The following KDM3A variants were observed in gnomAD, a reference collection of about 807,000 sequenced individuals.
KDM3A encodes lysine-specific demethylase 3A.
A neutral mutation model predicts 158.0 loss-of-function variants in KDM3A; 60 were observed. The ratio of observed to expected loss-of-function variants is 0.38; its 90% CI spans 0.31 to 0.47. The LOEUF is 0.47. Ranked by LOEUF, KDM3A falls within the 20% of genes least tolerant of loss-of-function variation. The probability of loss-of-function intolerance (pLI) is 0.99; values close to 1 mark genes in which losing one functional copy is unlikely to be tolerated. For missense variants in KDM3A, 1,319 were observed against 1,574.3 expected, an observed-to-expected ratio of 0.84 and a Z score of 2.74; for synonymous variants, 608 against 549.3, an observed-to-expected ratio of 1.11 and a Z score of -1.49.
At chr2:86,446,761 T>G (rs1170571027) in intron 2 of KDM3A, among the ~76,000 whole-genome samples, 1 of 152,226 alleles carries the variant, frequency 6.6e-6, no homozygotes, top group Admixed American at 6.5e-5. Context: ...AGAAGCTTTT[T>G]TGGGGGATGT....
At chr2:86,471,285 A>G (rs890012741) in intron 11 of KDM3A, among the ~76,000 whole-genome samples, 2 of 133,598 alleles carry the variant, frequency 1.5e-5, no homozygotes, top group Admixed American at 7.1e-5. Flanking sequence ...ATGTGTGTAT[A>G]TATGTATATA....
Position 86,442,035 on chromosome 2 carries a change from A to C in KDM3A, c.-13A>C, listed in dbSNP as rs763422784. Reference sequence around the variant, plus strand: ...TTTTGCAGGGAGGAGCTCTTCCTGCAGGCGTGGAAACCATGGTGCTCACGC... The same window carrying C: ...TTTTGCAGGGAGGAGCTCTTCCTGCCGGCGTGGAAACCATGGTGCTCACGC... On this transcript the variant is annotated 5_prime_UTR_variant, in exon 2 of 26. Coordinates refer to ENST00000312912, the MANE Select transcript of KDM3A (RefSeq NM_018433.6). 1.8e-5 allele frequency: 29 copies of C among 1,609,148 alleles called. No individual in the cohort carries two copies. The highest frequency in any genetic ancestry group is 2.1e-5 in the Non-Finnish European group (25 of 1,177,366).
chr2:86,480,176 G>A lies in KDM3A; in HGVS notation c.2326G>A (p.Ala776Thr). The A allele has an allele frequency of 6.2e-7, 1 of 1,612,422 alleles. No homozygotes were observed. The highest frequency in any genetic ancestry group is 8.5e-7 in the Non-Finnish European group (1 of 1,179,810). Reference sequence around the variant, plus strand: ...TTAATGCTTAACACAGACTTCTTTAGCTGGAGAAAAACCGACTCTTGGTGC... The same window carrying A: ...TTAATGCTTAACACAGACTTCTTTAACTGGAGAAAAACCGACTCTTGGTGC... ...SKEDLKQTSL[A>T]GEKPTLGAVL... Residue 776 changes from alanine to threonine, a missense_variant, in exon 16 of 26, where the codon GCT becomes ACT. Ala to Thr is a moderately conservative substitution (Grantham distance 58). Around this residue, in one of 4 missense-constraint regions of KDM3A, gnomAD observed 368 missense variants for 415.8 expected, o/e 0.89. Coordinates refer to ENST00000312912, the MANE Select transcript of KDM3A (RefSeq NM_018433.6).
At chr2:86,465,053 T>G (rs1673077164) in intron 9 of KDM3A, among the ~76,000 whole-genome samples, 1 of 152,158 alleles carries the variant, frequency 6.6e-6, no homozygotes, top group African/African-American at 2.4e-5. Flanking sequence ...AGGAAAGATT[T>G]TTCATCTGAG....
In KDM3A at chr2:86,489,299, A is replaced by G; in HGVS notation, c.3314-19A>G. ...CCTTTGTTGTCTTTTGTAAAACTTA[A>G]GGCACTTTGTTTTTGCAGGATTAAT... On this transcript the variant is annotated intron_variant, in intron 21 of 25. Transcript: ENST00000312912. 6.2e-7 allele frequency: 1 copy of G among 1,609,692 alleles called. No homozygotes were observed. The highest frequency in any genetic ancestry group is 8.5e-7 in the Non-Finnish European group (1 of 1,177,936).
chr2:86,479,090 T>C (rs2104693762), intron 15 of KDM3A: 1 of 160,606 alleles, frequency 6.2e-6, no homozygotes, highest in Middle Eastern at 3.0e-3. Context: ...AAGATAAGCT[T>C]TAACATTTTT....
rs891896469 is a variant in KDM3A, at chr2:86,455,814, G to A, written c.556+627G>A. On this transcript the variant is annotated intron_variant, in intron 5 of 25. Transcript: ENST00000312912. ...AAAACATTTTTAAAAAAATTAGCCC[G>A]GTGTGGTGGCACATGCCTGTAATCC... 5.3e-5 allele frequency among the ~76,000 whole-genome samples: 8 copies of A among 151,596 alleles called. No individual in the cohort carries two copies. In the South Asian group the frequency reaches 6.2e-4, roughly 12 times the overall value.
chr2:86,453,812 A>G (rs1405256331), intron 4 of KDM3A, among the ~76,000 whole-genome samples: 2 of 152,206 alleles, frequency 1.3e-5, no homozygotes, highest in Admixed American at 6.5e-5. Flanking sequence ...CAGACTAGTT[A>G]TCCTTCCCAG....
chr2:86,439,020 C>T (rs563825797), upstream of KDM3A, among the ~76,000 whole-genome samples: 2 of 151,724 alleles, frequency 1.3e-5, no homozygotes, highest in Admixed American at 6.5e-5. Flanking sequence ...GATGTTTTTT[C>T]GTTCATATGT....
intron 8 of KDM3A, among the ~76,000 whole-genome samples, chr2:86,457,689 A>T (rs1672764433): frequency 1.3e-5 from 2 of 152,192 alleles, no homozygotes; most frequent in South Asian, 4.1e-4. Flanking sequence ...AGAGGGAAGG[A>T]GCCTTAGAAT....
chr2:86,484,201 G>C lies in KDM3A; in HGVS notation c.3094+43G>C, dbSNP rs752682175. On this transcript the variant is annotated intron_variant, in intron 19 of 25. Transcript: ENST00000312912. ...TTTAAGGGGGTTGGGGATGTGAAAG[G>C]AGGGGACACAGGAATGGCAGGAGTC... 2.6e-6 allele frequency: 4 copies of C among 1,554,432 alleles called. No individual in the cohort carries two copies. The Admixed American group carries it at 7.2e-5, about 28-fold the overall frequency.
At chr2:86,476,868 C>T (rs1673678736) in intron 12 of KDM3A, among the ~76,000 whole-genome samples, 1 of 152,130 alleles carries the variant, frequency 6.6e-6, no homozygotes, top group African/African-American at 2.4e-5. Context: ...TGAGTTAACC[C>T]CAAACTGGAT....
intron 4 of KDM3A, among the ~76,000 whole-genome samples, chr2:86,454,602 G>A (rs970118998): frequency 3.9e-5 from 6 of 152,014 alleles, no homozygotes; most frequent in African/African-American, 1.5e-4. Flanking sequence ...TACATGCAGT[G>A]TGTTATATAA....
Position 86,489,542 on chromosome 2 carries a change from T to A in KDM3A, c.3456T>A (p.Asp1152Glu), listed in dbSNP as rs993380640. The stretch of plus-strand genomic sequence containing the variant: ...TAGAAGTCCTTAAGACCATCCAAGA[T>A]GGAGATTCTGACGAACTCACAATAA... ...QEEEVLKTIQ[D>E]GDSDELTIKR... The change falls in exon 23 of 26, where the codon GAT becomes GAA. Residue 1152 changes from aspartate (D) to glutamate (E), a missense_variant. Physicochemically the swap from Asp to Glu is conservative, Grantham distance 45. Transcript: ENST00000312912. 4 of 1,613,548 alleles carry A rather than the reference T, an allele frequency of 2.5e-6. No homozygotes were observed. The African/African-American group carries it at 4.0e-5, about 16-fold the overall frequency.
intron 2 of KDM3A, among the ~76,000 whole-genome samples, chr2:86,447,944 A>G (rs1430950189): frequency 6.6e-6 from 1 of 152,154 alleles, no homozygotes; most frequent in African/African-American, 2.4e-5. Context: ...AAGACTAGCC[A>G]ATTTAGGGGA....
intron 10 of KDM3A, among the ~76,000 whole-genome samples, chr2:86,467,101 G>A (rs1300533513): frequency 6.6e-6 from 1 of 152,128 alleles, no homozygotes; most frequent in African/African-American, 2.4e-5. Context: ...CAGATAAACT[G>A]TATTACACAA....
chr2:86,442,429 G>A, intron 2 of KDM3A, 196 bp downstream of exon 2: 1 of 566,376 alleles, frequency 1.8e-6, no homozygotes, highest in Admixed American at 3.2e-5. Flanking sequence ...ACAGCTCCTG[G>A]CTGCCTGGCT....
intron 5 of KDM3A, 130 bp downstream of exon 5, chr2:86,455,317 T>A: frequency 1.7e-6 from 1 of 592,154 alleles, no homozygotes; most frequent in Non-Finnish European, 2.9e-6. Flanking sequence ...TTTGAGACAG[T>A]CTAGTTCCTA....
intron 25 of KDM3A, chr2:86,491,836 G>A: frequency 3.5e-6 from 2 of 564,940 alleles, no homozygotes; most frequent in Non-Finnish European, 6.3e-6. Context: ...GGGAAAATGA[G>A]TTCTTGAAAT....
Sources: gnomAD v4.1 joint callset for allele counts (sites outside exome capture counted in the v4.1 genomes callset) on GRCh38, gnomAD v4.1.1 for gene constraint, gnomAD v4.1.1 regional missense constraint, MANE v1.5 for transcripts, NCBI Gene and HGNC (gene_info 2026-07-23, HGNC 2026-07-21) for gene names.